TAF1: variants seen among roughly 807,000 people sequenced by gnomAD.
The protein encoded by TAF1 is TATA-box binding protein associated factor 1.
In TAF1, 2 loss-of-function variants were observed where a neutral mutation model predicts 138.5. The ratio of observed to expected loss-of-function variants is 0.01; its 90% CI spans 0.01 to 0.05. The LOEUF is 0.05. Ranked by LOEUF, TAF1 falls within the 10% of genes least tolerant of loss-of-function variation. The pLI is 1.00. For missense variants in TAF1, 709 were observed against 1,478.0 expected (o/e 0.48, Z 8.53); for synonymous variants, 437 against 503.2 (o/e 0.87, Z 1.76).
At chrX:71,476,695 A>C (rs2038985316) in intron 13 of TAF1, among the ~76,000 whole-genome samples, 2 of 109,790 alleles carry the variant, frequency 1.8e-5, no homozygotes, top group African/African-American at 6.6e-5. Context: ...AACAGTTAAG[A>C]GTTTGGGATT....
At chrX:71,367,669 A>C in intron 2 of TAF1, 56 bp downstream of exon 2, 1 of 1,152,214 alleles carries the variant, frequency 8.7e-7, no homozygotes, top group Non-Finnish European at 1.2e-6. Flanking sequence ...CCTACTATGT[A>C]TGTACTTTTT....
intron 13 of TAF1, chrX:71,493,052 T>C (rs2039325666): frequency 9.2e-6 from 1 of 108,886 alleles, no homozygotes; most frequent in African/African-American, 3.4e-5. Context: ...AGAGTCTCAC[T>C]CTGTAGCCTA....
intron 32 of TAF1, among the ~76,000 whole-genome samples, chrX:71,451,111 A>G (rs1485825044): frequency 2.7e-5 from 3 of 112,845 alleles, no homozygotes; most frequent in Non-Finnish European, 5.6e-5. Context: ...CTATTGAAAT[A>G]TAACTTAGAT....
At chrX:71,430,109 G>C (rs993201934) in intron 32 of TAF1, among the ~76,000 whole-genome samples, 1 of 111,440 alleles carries the variant, frequency 9.0e-6, no homozygotes, top group African/African-American at 3.3e-5. Context: ...GGCCGGGCAC[G>C]GTGGCTCACG....
intron 32 of TAF1, among the ~76,000 whole-genome samples, 176 bp downstream of exon 32, chrX:71,424,414 CTTTTTTTTTT>C (rs140301261): frequency 1.3e-4 from 4 of 29,933 alleles, no homozygotes; most frequent in Non-Finnish European, 1.7e-4. Context: ...GTGCCAGGCT[CTTTTTTTTTT>C]TTTTTTTTTT....
intron 18 of TAF1, among the ~76,000 whole-genome samples, chrX:71,391,354 A>G (rs1040508345): frequency 1.6e-4 from 18 of 111,194 alleles, no homozygotes; most frequent in Admixed American, 1.4e-3. Context: ...GGTTGGAATG[A>G]AAAATGAGTG....
chrX:71,500,266 C>T (rs2039474035), intron 13 of TAF1, among the ~76,000 whole-genome samples: 1 of 111,394 alleles, frequency 9.0e-6, no homozygotes, highest in African/African-American at 3.3e-5. Context: ...ACTCCATTTG[C>T]CTTCCCTCTT....
chrX:71,407,970 G>A lies in TAF1; in HGVS notation c.4207-4G>A. ...TGATGTATGGTTCTGGCCCTTGTTT[G>A]CAGACATACCCTTTCCACACTCCAG... is the stretch of plus-strand genomic sequence containing the variant. On this transcript the variant is annotated splice_polypyrimidine_tract_variant and splice_region_variant and intron_variant, in intron 27 of 37. Coordinates refer to ENST00000423759, the MANE Select transcript of TAF1 (RefSeq NM_004606.5). 1 of 1,206,751 alleles carries A rather than the reference G, an allele frequency of 8.3e-7. No homozygotes were observed. The highest frequency in any genetic ancestry group is 1.1e-6 in the Non-Finnish European group (1 of 893,624).
chrX:71,372,929 C>T (rs1487602669), intron 3 of TAF1, among the ~76,000 whole-genome samples: 1 of 111,077 alleles, frequency 9.0e-6, no homozygotes, highest in Non-Finnish European at 1.9e-5. Context: ...TGCAGTGGCG[C>T]GATCTCAGCT....
chrX:71,444,894 C>T (rs1445032941), intron 32 of TAF1, among the ~76,000 whole-genome samples: 5 of 110,306 alleles, frequency 4.5e-5, no homozygotes, highest in Non-Finnish European at 5.7e-5. Context: ...CCACCACACC[C>T]GGCTAATTTT....
intron 32 of TAF1, among the ~76,000 whole-genome samples, chrX:71,438,680 T>C (rs1602674581): frequency 8.9e-6 from 1 of 112,063 alleles, no homozygotes; most frequent in African/African-American, 3.2e-5. Flanking sequence ...CTCACAACAG[T>C]ATTGTGATTG....
intron 30 of TAF1, among the ~76,000 whole-genome samples, chrX:71,423,687 G>A (rs761026184): frequency 8.9e-4 from 100 of 111,747 alleles, no homozygotes; most frequent in Non-Finnish European, 1.6e-3. Context: ...TGTACTATAG[G>A]AATGTGTTCT....
At chrX:71,496,543 G>A (rs1194742997) in intron 13 of TAF1, among the ~76,000 whole-genome samples, 1 of 107,431 alleles carries the variant, frequency 9.3e-6, no homozygotes, top group Non-Finnish European at 1.9e-5. Flanking sequence ...CTTTGTCTCT[G>A]TCTCTTCCTC....
At chrX:71,396,032 C>G (rs934232160) in intron 22 of TAF1, among the ~76,000 whole-genome samples, 3 of 109,060 alleles carry the variant, frequency 2.8e-5, no homozygotes, top group Middle Eastern at 9.3e-3. Context: ...GCCTGTAATC[C>G]CAGCTACTTG....
Position 71,397,394 on chromosome X carries a change from G to A in TAF1, c.3548G>A (p.Cys1183Tyr), listed in dbSNP as rs150207824. ...RDEEGKEYVR[C>Y]ETVRKPAVID... ...GAAGAGGGGAAAGAGTATGTTCGCT[G>A]TGAGACAGTCCGAAAACCAGCTGTC... The change falls in exon 23 of 38, where the codon TGT becomes TAT. Residue 1183 changes from cysteine (C) to tyrosine (Y), a missense_variant. This residue lies in a region of TAF1 where 21 missense variants were observed against 101.3 expected (regional missense o/e 0.21). Transcript: ENST00000423759. 1.7e-6 allele frequency: 2 copies of A among 1,209,918 alleles called. No individual in the cohort carries two copies. Among genetic ancestry groups the A allele is most frequent in the Non-Finnish European group, 2.2e-6 (2 of 895,298 alleles).
intron 37 of TAF1, among the ~76,000 whole-genome samples, chrX:71,463,577 G>C (rs1435390073): frequency 2.7e-5 from 3 of 112,073 alleles, no homozygotes; most frequent in Non-Finnish European, 5.6e-5. Flanking sequence ...GGTCATGTAA[G>C]ATGGCAGTGT....
intron 32 of TAF1, among the ~76,000 whole-genome samples, chrX:71,448,026 T>G (rs952944532): frequency 8.9e-6 from 1 of 112,151 alleles, no homozygotes; most frequent in Non-Finnish European, 1.9e-5. Context: ...AAGCAAAATA[T>G]ACTCAGAAAA....
intron 13 of TAF1, among the ~76,000 whole-genome samples, chrX:71,476,308 G>A (rs1422369599): frequency 9.0e-6 from 1 of 111,000 alleles, no homozygotes; most frequent in Admixed American, 9.7e-5. Flanking sequence ...GACAAACAGG[G>A]TGAGGGAACT....
intron 28 of TAF1, chrX:71,420,629 G>A: frequency 8.3e-7 from 1 of 1,204,864 alleles, no homozygotes; most frequent in African/African-American, 1.7e-5. Flanking sequence ...CCTAACTCGA[G>A]CTTTGATAGC....
Sources: gnomAD v4.1 joint callset for allele counts (sites outside exome capture counted in the v4.1 genomes callset) on GRCh38, gnomAD v4.1.1 for gene constraint, gnomAD v4.1.1 regional missense constraint, MANE v1.5 for transcripts, NCBI Gene and HGNC (gene_info 2026-07-23, HGNC 2026-07-21) for gene names.